Variants in MRTFB observed in about 807,000 individuals in gnomAD.
The protein encoded by MRTFB is myocardin related transcription factor B, also known as myocardin-related transcription factor B.
In MRTFB, 29 loss-of-function variants were observed where a neutral mutation model predicts 104.2. The ratio of observed to expected loss-of-function variants is 0.28; its 90% CI spans 0.21 to 0.38. MRTFB has a LOEUF of 0.38. MRTFB is among the 10% of genes least tolerant of loss of function. The probability of loss-of-function intolerance (pLI) is 1.00; values close to 1 mark genes in which losing one functional copy is unlikely to be tolerated. For missense variants in MRTFB, 1,270 were observed against 1,341.6 expected, an observed-to-expected ratio of 0.95 and a Z score of 0.83; for synonymous variants, 535 against 519.5, an observed-to-expected ratio of 1.03 and a Z score of -0.41.
At chr16:14,200,118 T>A in intron 3 of MRTFB, 1 of 630,502 alleles carries the variant, frequency 1.6e-6, no homozygotes, top group Admixed American at 3.1e-5. Context: ...TAAGGGCGTG[T>A]TCCATTATTA....
At chr16:14,245,228 G>A (rs2042960686) in intron 10 of MRTFB, among the ~76,000 whole-genome samples, 2 of 151,270 alleles carry the variant, frequency 1.3e-5, no homozygotes, top group Admixed American at 6.6e-5. Context: ...ACGTGTTGAT[G>A]TCTGGTGGTG....
chr16:14,174,076 T>G (rs1024536730), intron 3 of MRTFB, among the ~76,000 whole-genome samples: 14 of 152,208 alleles, frequency 9.2e-5, no homozygotes, highest in African/African-American at 2.7e-4. Flanking sequence ...TGTGACTTAA[T>G]GTATAATTTT....
At chr16:14,024,559 A>G in the MRTFB span, among the ~76,000 whole-genome samples, 1 of 152,228 alleles carries the variant, frequency 6.6e-6, no homozygotes, top group South Asian at 2.1e-4. Context: ...CACTTCTCAG[A>G]AAATGCCTTA....
At chr16:14,068,107 C>G (rs2033541205), upstream of MRTFB, among the ~76,000 whole-genome samples, 1 of 152,162 alleles carries the variant, frequency 6.6e-6, no homozygotes, top group African/African-American at 2.4e-5. Context: ...GCTGGGATTA[C>G]AGGCATGAGC....
chr16:14,053,543 C>T, the MRTFB span, among the ~76,000 whole-genome samples: 1 of 151,890 alleles, frequency 6.6e-6, no homozygotes, highest in Non-Finnish European at 1.5e-5. Context: ...CCAGTCTGGC[C>T]AACATGGTGA....
chr16:14,106,560 T>TATTTA (rs1170170629), intron 2 of MRTFB, among the ~76,000 whole-genome samples: 1 of 152,184 alleles, frequency 6.6e-6, no homozygotes, highest in Non-Finnish European at 1.5e-5. Context: ...CTCATGGGGT[T>TATTTA]GCTGTGAGGA....
the MRTFB span, among the ~76,000 whole-genome samples, chr16:14,053,567 C>A: frequency 1.1e-4 from 17 of 151,886 alleles, no homozygotes; most frequent in African/African-American, 4.1e-4. Context: ...CCTGTCTCTA[C>A]TAAAAATACA....
chr16:14,002,919 G>T, the MRTFB span, among the ~76,000 whole-genome samples: 3 of 152,142 alleles, frequency 2.0e-5, no homozygotes, highest in Admixed American at 1.3e-4. Flanking sequence ...GGGGCTGTTC[G>T]TGAGGTTCTG....
intron 8 of MRTFB, among the ~76,000 whole-genome samples, chr16:14,226,332 G>T (rs866744803): frequency 7.9e-5 from 12 of 152,166 alleles, no homozygotes; most frequent in African/African-American, 2.4e-4. Flanking sequence ...TAAAACAGTG[G>T]TATTGGCATA....
At chr16:14,094,456 A>T (rs1040335366) in intron 2 of MRTFB, among the ~76,000 whole-genome samples, 1 of 152,206 alleles carries the variant, frequency 6.6e-6, no homozygotes, top group Non-Finnish European at 1.5e-5. Flanking sequence ...TTTTACATAT[A>T]TATGTAAGCA....
At chr16:14,154,620 G>T (rs1280926573) in intron 3 of MRTFB, among the ~76,000 whole-genome samples, 1 of 152,146 alleles carries the variant, frequency 6.6e-6, no homozygotes, top group Non-Finnish European at 1.5e-5. Flanking sequence ...AGCTTCTGTG[G>T]GTCAGGAATT....
chr16:14,226,023 A>G (rs1210081597), intron 8 of MRTFB, among the ~76,000 whole-genome samples: 1 of 152,176 alleles, frequency 6.6e-6, no homozygotes, highest in African/African-American at 2.4e-5. Flanking sequence ...ACTCTTGGCC[A>G]TGCGACAGGC....
intron 2 of MRTFB, among the ~76,000 whole-genome samples, chr16:14,139,895 C>T (rs2037909117): frequency 6.6e-6 from 1 of 152,184 alleles, no homozygotes; most frequent in South Asian, 2.1e-4. Context: ...CTTTGTAGTC[C>T]TTAAGCCAGT....
At chr16:14,090,436 A>G (rs976908993) in intron 2 of MRTFB, among the ~76,000 whole-genome samples, 1 of 152,180 alleles carries the variant, frequency 6.6e-6, no homozygotes, top group Non-Finnish European at 1.5e-5. Context: ...GCATCATCCC[A>G]TGAGCATTTA....
the MRTFB span, among the ~76,000 whole-genome samples, chr16:14,003,982 G>T: frequency 0.014 from 2,094 of 152,250 alleles, 43 homozygotes; most frequent in African/African-American, 0.047. Flanking sequence ...CCAGTCTGTG[G>T]AGGAGAGCCA....
intron 8 of MRTFB, among the ~76,000 whole-genome samples, chr16:14,228,785 C>G (rs2042125631): frequency 1.0e-5 from 1 of 99,356 alleles, no homozygotes; most frequent in Non-Finnish European, 2.2e-5. Context: ...TGATGAAACT[C>G]TAGCTCATGT....
chr16:14,234,112 T>G (rs1163363066), intron 8 of MRTFB, 34 bp from the exon 9 acceptor site: 1 of 1,597,668 alleles, frequency 6.3e-7, no homozygotes, highest in Non-Finnish European at 8.6e-7. Context: ...ATCATTAATT[T>G]CACAGACTTG....
At chr16:13,999,300 T>C in the MRTFB span, among the ~76,000 whole-genome samples, 3 of 151,994 alleles carry the variant, frequency 2.0e-5, no homozygotes, top group Admixed American at 6.6e-5. Flanking sequence ...TGCTTGTGGC[T>C]CAGCATATTT....
At chr16:13,996,159 C>G in the MRTFB span, among the ~76,000 whole-genome samples, 1 of 152,016 alleles carries the variant, frequency 6.6e-6, no homozygotes, top group East Asian at 1.9e-4. Context: ...GTAATTCTAG[C>G]TAGTCAGGAG....
Sources: gnomAD v4.1 joint callset for allele counts (sites outside exome capture counted in the v4.1 genomes callset) on GRCh38, gnomAD v4.1.1 for gene constraint, MANE v1.5 for transcripts, NCBI Gene and HGNC (gene_info 2026-07-23, HGNC 2026-07-21) for gene names.